The following HEMK2 variants were observed in gnomAD, a reference collection of about 807,000 sequenced individuals.
HEMK2 encodes HemK methyltransferase 2, ETF1 glutamine and histone H4 lysine.
At chr21:28,747,556 T>C in the HEMK2 span, among the ~76,000 whole-genome samples, 9 of 152,370 alleles carry the variant, frequency 5.9e-5, no homozygotes, top group African/African-American at 2.2e-4. Flanking sequence ...GATGAAGTTA[T>C]CTTTCAGAGT....
the HEMK2 span, among the ~76,000 whole-genome samples, chr21:28,839,987 C>A: frequency 1.3e-5 from 2 of 152,090 alleles, no homozygotes; most frequent in African/African-American, 4.8e-5. Context: ...CCATAGTTAC[C>A]AAAACAACAT....
the HEMK2 span, among the ~76,000 whole-genome samples, chr21:28,724,889 C>T: frequency 2.0e-5 from 3 of 152,182 alleles, no homozygotes; most frequent in Admixed American, 1.3e-4. Flanking sequence ...TCAAGTGATT[C>T]CCCTGCCTCA....
the HEMK2 span, among the ~76,000 whole-genome samples, chr21:28,819,796 C>T: frequency 6.6e-6 from 1 of 152,064 alleles, no homozygotes; most frequent in Non-Finnish European, 1.5e-5. Flanking sequence ...GATCCACCCA[C>T]CTCGGCCTCC....
chr21:28,717,508 C>T, the HEMK2 span, among the ~76,000 whole-genome samples: 1 of 117,694 alleles, frequency 8.5e-6, no homozygotes, highest in Admixed American at 1.1e-4. Context: ...GAGACGGAGT[C>T]TCACTCTGTC....
chr21:28,654,416 G>T, the HEMK2 span, among the ~76,000 whole-genome samples: 1 of 152,016 alleles, frequency 6.6e-6, no homozygotes, highest in Admixed American at 6.6e-5. Flanking sequence ...GGAAGGGAAG[G>T]ATACTGAAGG....
the HEMK2 span, among the ~76,000 whole-genome samples, chr21:28,719,844 A>G: frequency 6.6e-6 from 1 of 152,216 alleles, no homozygotes. Context: ...TGTAACTCCA[A>G]AATCAATTCT....
chr21:28,832,078 A>G, the HEMK2 span, among the ~76,000 whole-genome samples: 1 of 152,248 alleles, frequency 6.6e-6, no homozygotes, highest in South Asian at 2.1e-4. Flanking sequence ...ATTACTGTAC[A>G]TAAAGCTTTT....
At chr21:28,707,214 T>C in the HEMK2 span, among the ~76,000 whole-genome samples, 5 of 152,062 alleles carry the variant, frequency 3.3e-5, no homozygotes, top group Non-Finnish European at 7.3e-5. Context: ...AAATTTACTA[T>C]ATTTTCCAAA....
chr21:28,725,343 G>A, the HEMK2 span, among the ~76,000 whole-genome samples: 7 of 152,092 alleles, frequency 4.6e-5, no homozygotes, highest in African/African-American at 1.7e-4. Flanking sequence ...TAGTTTATTT[G>A]GGAGATAACC....
the HEMK2 span, among the ~76,000 whole-genome samples, chr21:28,594,115 A>G: frequency 6.6e-6 from 1 of 152,216 alleles, no homozygotes; most frequent in Non-Finnish European, 1.5e-5. Context: ...TAATTGTGAG[A>G]AAAACATAAT....
At chr21:28,833,424 G>A in the HEMK2 span, among the ~76,000 whole-genome samples, 4 of 152,240 alleles carry the variant, frequency 2.6e-5, no homozygotes, top group South Asian at 4.1e-4. Flanking sequence ...ATAAACAGAT[G>A]GATGTGACAA....
the HEMK2 span, among the ~76,000 whole-genome samples, chr21:28,800,666 A>T: frequency 6.6e-6 from 1 of 152,160 alleles, no homozygotes; most frequent in Non-Finnish European, 1.5e-5. Flanking sequence ...GTAGTGGAGG[A>T]TTGTGAGACC....
chr21:28,760,831 T>A, the HEMK2 span, among the ~76,000 whole-genome samples: 1 of 152,194 alleles, frequency 6.6e-6, no homozygotes, highest in East Asian at 1.9e-4. Context: ...TTGGTCTTCA[T>A]TCTGTTTCAC....
At chr21:28,838,947 C>CA in the HEMK2 span, among the ~76,000 whole-genome samples, 47 of 20,978 alleles carry the variant, frequency 2.2e-3, 5 homozygotes, top group African/African-American at 6.2e-3. Context: ...AACTCCGCCT[C>CA]AAAAAAAAAA....
At chr21:28,797,888 A>G in the HEMK2 span, among the ~76,000 whole-genome samples, 1 of 152,210 alleles carries the variant, frequency 6.6e-6, no homozygotes, top group African/African-American at 2.4e-5. Context: ...TTAAAGGAGC[A>G]TTTAGAGCTG....
At chr21:28,625,861 TAAC>T in the HEMK2 span, among the ~76,000 whole-genome samples, 1 of 152,134 alleles carries the variant, frequency 6.6e-6, no homozygotes, top group Non-Finnish European at 1.5e-5. Flanking sequence ...ACCAGAAATG[TAAC>T]AACAAGGATG....
the HEMK2 span, among the ~76,000 whole-genome samples, chr21:28,631,855 TAC>T: frequency 6.6e-6 from 1 of 152,148 alleles, no homozygotes; most frequent in Non-Finnish European, 1.5e-5. Flanking sequence ...TTTTATCACT[TAC>T]AGTTGCCCTG....
the HEMK2 span, among the ~76,000 whole-genome samples, chr21:28,685,335 C>A: frequency 7.6e-6 from 1 of 131,938 alleles, no homozygotes; most frequent in Non-Finnish European, 1.6e-5. Context: ...TGATCATGAG[C>A]CTTTATGTCC....
the HEMK2 span, among the ~76,000 whole-genome samples, chr21:28,771,959 A>C: frequency 6.9e-6 from 1 of 145,494 alleles, no homozygotes; most frequent in Admixed American, 7.1e-5. Flanking sequence ...TCTATGAGAA[A>C]TCTTAAAAGA....
Sources: gnomAD v4.1 joint callset for allele counts (sites outside exome capture counted in the v4.1 genomes callset) on GRCh38, gnomAD v4.1.1 for gene constraint, MANE v1.5 for transcripts, NCBI Gene and HGNC (gene_info 2026-07-23, HGNC 2026-07-21) for gene names.